CNTN3: variants seen among roughly 807,000 people sequenced by gnomAD.
CNTN3 encodes the protein contactin-3.
Under a neutral mutation model 119.1 loss-of-function variants are expected in CNTN3, and 60 were observed. That is an observed-to-expected ratio of 0.50 (90% CI 0.41 to 0.62). The LOEUF is 0.62. CNTN3 is among the 20% of genes least tolerant of loss of function. CNTN3 has a pLI of 0.00. For missense variants in CNTN3, 1,101 were observed against 1,242.4 expected, an observed-to-expected ratio of 0.89 and a Z score of 1.71; for synonymous variants, 450 against 438.7, an observed-to-expected ratio of 1.03 and a Z score of -0.32.
At chr3:74,464,252 A>G (rs768012038) in intron 4 of CNTN3, among the ~76,000 whole-genome samples, 1 of 152,166 alleles carries the variant, frequency 6.6e-6, no homozygotes, top group African/African-American at 2.4e-5. Flanking sequence ...TATAATTACA[A>G]TAGCTCAAAA....
intron 5 of CNTN3, among the ~76,000 whole-genome samples, chr3:74,422,220 C>T (rs995693888): frequency 2.0e-5 from 3 of 152,174 alleles, no homozygotes; most frequent in Admixed American, 6.5e-5. Context: ...ATTACAGACA[C>T]TTGGATCAAC....
intron 4 of CNTN3, among the ~76,000 whole-genome samples, chr3:74,451,819 A>G (rs1331381067): frequency 1.3e-5 from 2 of 150,250 alleles, no homozygotes; most frequent in Non-Finnish European, 3.0e-5. Flanking sequence ...AAGATCAGAT[A>G]GTTGTAGATA....
chr3:74,595,959 A>G (rs1469392600), intron 1 of CNTN3, among the ~76,000 whole-genome samples: 1 of 152,150 alleles, frequency 6.6e-6, no homozygotes, highest in Non-Finnish European at 1.5e-5. Context: ...TCAGCCCAAA[A>G]TCTCCTTAAG....
At chr3:74,454,509 A>C (rs1014494694) in intron 4 of CNTN3, among the ~76,000 whole-genome samples, 22 of 152,026 alleles carry the variant, frequency 1.4e-4, no homozygotes, top group African/African-American at 4.3e-4. Context: ...TAGTCCATTT[A>C]CTTTTAAAGT....
chr3:74,425,794 T>C (rs1448555734), intron 4 of CNTN3, among the ~76,000 whole-genome samples: 1 of 152,176 alleles, frequency 6.6e-6, no homozygotes, highest in East Asian at 1.9e-4. Flanking sequence ...TTTGATAATA[T>C]TCAGTTTCTG....
At chr3:74,283,065 C>G (rs1474411375) in intron 20 of CNTN3, among the ~76,000 whole-genome samples, 1 of 152,072 alleles carries the variant, frequency 6.6e-6, no homozygotes. Flanking sequence ...GCCATGACCA[C>G]CTGTGATCAT....
At chr3:74,348,093 C>T (rs1342703643) in intron 11 of CNTN3, among the ~76,000 whole-genome samples, 1 of 152,158 alleles carries the variant, frequency 6.6e-6, no homozygotes. Flanking sequence ...ACTGAGTAAG[C>T]TCTGGAGCTC....
chr3:74,584,823 T>C (rs758263359), intron 1 of CNTN3, among the ~76,000 whole-genome samples: 2 of 152,210 alleles, frequency 1.3e-5, no homozygotes, highest in Non-Finnish European at 2.9e-5. Context: ...CTTATAGAAA[T>C]GTCATGCTCC....
chr3:74,558,835 T>A (rs905267879), intron 1 of CNTN3, among the ~76,000 whole-genome samples: 2 of 151,722 alleles, frequency 1.3e-5, no homozygotes, highest in South Asian at 4.2e-4. Flanking sequence ...TACAAAAAAA[T>A]TAGACAGGTG....
intron 1 of CNTN3, among the ~76,000 whole-genome samples, chr3:74,535,813 C>T (rs551603472): frequency 3.3e-5 from 5 of 152,064 alleles, no homozygotes; most frequent in South Asian, 2.1e-4. Flanking sequence ...GTTTTGAAGT[C>T]GAAAATCACA....
chr3:74,455,264 C>T (rs373123255), intron 4 of CNTN3, among the ~76,000 whole-genome samples: 1 of 152,010 alleles, frequency 6.6e-6, no homozygotes, highest in Non-Finnish European at 1.5e-5. Context: ...CATCTTCCAT[C>T]GCTGATACCC....
At chr3:74,428,944 A>T (rs1701740109) in intron 4 of CNTN3, among the ~76,000 whole-genome samples, 1 of 152,188 alleles carries the variant, frequency 6.6e-6, no homozygotes, top group African/African-American at 2.4e-5. Flanking sequence ...AAGTAAAGTG[A>T]TCTGCTGTAC....
intron 3 of CNTN3, among the ~76,000 whole-genome samples, chr3:74,495,601 A>G (rs950632970): frequency 6.6e-6 from 1 of 151,634 alleles, no homozygotes; most frequent in African/African-American, 2.4e-5. Flanking sequence ...CCTTACATCC[A>G]CTCCTTGAAT....
chr3:74,407,623 C>T (rs1478448376), intron 5 of CNTN3, among the ~76,000 whole-genome samples: 1 of 151,930 alleles, frequency 6.6e-6, no homozygotes, highest in South Asian at 2.1e-4. Context: ...GACCTCGAAA[C>T]TTGCTTCTTA....
chr3:74,375,476 A>C (rs968368297), intron 5 of CNTN3, among the ~76,000 whole-genome samples: 1 of 152,166 alleles, frequency 6.6e-6, no homozygotes, highest in African/African-American at 2.4e-5. Context: ...ACTTGACATG[A>C]CAAGGGGTAA....
intron 11 of CNTN3, among the ~76,000 whole-genome samples, chr3:74,360,587 T>C (rs890307181): frequency 6.6e-6 from 1 of 152,158 alleles, no homozygotes; most frequent in African/African-American, 2.4e-5. Flanking sequence ...TCTCTTACAG[T>C]TCTGGAGGTC....
At chr3:74,422,364 C>T (rs1313222519) in intron 5 of CNTN3, among the ~76,000 whole-genome samples, 1 of 152,184 alleles carries the variant, frequency 6.6e-6, no homozygotes, top group Admixed American at 6.5e-5. Flanking sequence ...GGGAAGATTT[C>T]TTCCCGTCTT....
Position 74,369,969 on chromosome 3 carries a change from A to AATGATAC in CNTN3, c.680_681insGTATCAT (p.Lys228TyrfsTer3). 1 of 1,596,138 alleles carries AATGATAC rather than the reference A, an allele frequency of 6.3e-7. No homozygotes were observed. The highest frequency in any genetic ancestry group is 1.7e-5 in the Admixed American group (1 of 59,280). On this transcript the variant is annotated frameshift_variant, in exon 7 of 23. Coordinates refer to ENST00000263665, the MANE Select transcript of CNTN3 (RefSeq NM_020872.3). LOFTEE classifies it high-confidence loss of function. Reference sequence around the variant, plus strand: ...TTTCTGGAAACTGAACTTCTATTTTAGGTTCATATTCACCCATCACACCTA... The same window carrying AATGATAC: ...TTTCTGGAAACTGAACTTCTATTTTAATGATACGGTTCATATTCACCCATCACACCTA...
At position 74,502,985 on chromosome 3, in the gene CNTN3, C is replaced by T. The variant is rs113933494; in HGVS notation, c.56-3200G>A. On this transcript the variant is annotated intron_variant, in intron 2 of 22. Coordinates refer to ENST00000263665, the MANE Select transcript of CNTN3 (RefSeq NM_020872.3). The stretch of plus-strand genomic sequence containing the variant: ...TGTAGAATGAATAAGATGAATGAAA[C>T]AATCCTCATAATAACTCTATATGAG... Among the ~76,000 whole-genome samples the T allele has an allele frequency of 7.6e-3, 1,150 of 152,244 alleles. 14 individuals are homozygous for T. The highest frequency in any genetic ancestry group is 0.06 in the East Asian group (311 of 5,176).
Sources: allele counts gnomAD v4.1 joint callset (sites outside exome capture counted in the v4.1 genomes callset), GRCh38; gene constraint gnomAD v4.1.1; transcripts MANE v1.5; gene names NCBI Gene and HGNC (gene_info 2026-07-23, HGNC 2026-07-21).